Variants in COBLL1 observed in about 807,000 individuals in gnomAD.
COBLL1 encodes the protein cordon-bleu protein-like 1.
A neutral mutation model predicts 94.8 loss-of-function variants in COBLL1; 50 were observed. The observed-to-expected ratio is 0.53, with a 90% CI of 0.42 to 0.67. COBLL1 has a LOEUF of 0.67. Among genes scored for constraint, COBLL1 ranks in the 30% least tolerant of loss-of-function variants. The probability of loss-of-function intolerance (pLI) is 0.00; values close to 1 mark genes in which losing one functional copy is unlikely to be tolerated. For synonymous variants in COBLL1, 448 were observed against 473.8 expected, an observed-to-expected ratio of 0.95 and a Z score of 0.71; for missense variants, 1,362 against 1,348.7, an observed-to-expected ratio of 1.01 and a Z score of -0.15.
At chr2:164,818,281 C>CATATATGTATGTATACATATGTATAA in intron 2 of COBLL1, among the ~76,000 whole-genome samples, 1 of 147,370 alleles carries the variant, frequency 6.8e-6, no homozygotes, top group Non-Finnish European at 1.5e-5. Context: ...TGTATGTATA[C>CATATATGTATGTATACATATGTATAA]ATATATGTAT....
At position 164,695,677 on chromosome 2, in the gene COBLL1, G is replaced by A. The variant is rs1232855572; in HGVS notation, c.1715C>T (p.Thr572Ile). 4 of 1,613,712 alleles carry A rather than the reference G, an allele frequency of 2.5e-6. No individual in the cohort carries two copies. The highest frequency in any genetic ancestry group is 2.7e-5 in the African/African-American group (2 of 74,902). ...PSNSEAHETDTAISYKENHLA... is the reference protein window; with the variant it reads ...PSNSEAHETDIAISYKENHLA... ...ATGGTTTTCCTTGTAACTTATAGCAGTATCAGTTTCATGTGCCTCAGAGTT... is the reference window on the plus strand; with the variant it reads ...ATGGTTTTCCTTGTAACTTATAGCAATATCAGTTTCATGTGCCTCAGAGTT... Residue 572 changes from threonine (T) to isoleucine (I), a missense_variant, in exon 12 of 14, where the codon ACT (threonine) becomes ATT (isoleucine). Coordinates refer to ENST00000652658, the MANE Select transcript of COBLL1 (RefSeq NM_001365672.2).
intron 12 of COBLL1, 108 bp from the exon 13 acceptor site, chr2:164,692,505 C>A (rs138320111): frequency 2.8e-4 from 231 of 821,574 alleles, no homozygotes; most frequent in Non-Finnish European, 3.9e-4. Flanking sequence ...CCATTTGCCA[C>A]ACTGGTGTTT....
intron 2 of COBLL1, among the ~76,000 whole-genome samples, chr2:164,789,020 AACACACACACACACAC>A (rs56773751): frequency 4.9e-4 from 70 of 141,624 alleles, no homozygotes; most frequent in Middle Eastern, 3.6e-3. Flanking sequence ...TAGAGGTTTA[AACACACACACACACAC>A]ACACACACAC....
chr2:164,721,869 G>A (rs1685460675), intron 7 of COBLL1: 1 of 352,512 alleles, frequency 2.8e-6, no homozygotes, highest in Non-Finnish European at 5.1e-6. Context: ...CTGCATCACA[G>A]ACCTGTATGT....
chr2:164,721,424 T>G (rs1685435543), intron 7 of COBLL1, among the ~76,000 whole-genome samples: 1 of 152,168 alleles, frequency 6.6e-6, no homozygotes, highest in Admixed American at 6.5e-5. Context: ...CAAATGGATC[T>G]CCACAAAATG....
intron 2 of COBLL1, among the ~76,000 whole-genome samples, chr2:164,755,997 A>G (rs543954961): frequency 1.3e-5 from 2 of 150,424 alleles, no homozygotes; most frequent in Non-Finnish European, 3.0e-5. Flanking sequence ...CTATACATAT[A>G]GTACACACAT....
At chr2:164,707,733 G>A (rs1263753864) in intron 7 of COBLL1, among the ~76,000 whole-genome samples, 1 of 152,042 alleles carries the variant, frequency 6.6e-6, no homozygotes, top group African/African-American at 2.4e-5. Flanking sequence ...ATCTTCATTT[G>A]TAAATAAAAG....
intron 2 of COBLL1, among the ~76,000 whole-genome samples, chr2:164,753,733 A>G (rs1434353714): frequency 7.0e-6 from 1 of 143,800 alleles, no homozygotes; most frequent in Non-Finnish European, 1.5e-5. Flanking sequence ...TAAGTTGAGT[A>G]TGGGAATTTT....
At chr2:164,800,392 G>T in intron 2 of COBLL1, 3 of 521,658 alleles carry the variant, frequency 5.8e-6, no homozygotes, top group South Asian at 3.3e-5. Context: ...ACATGTATTA[G>T]AATGGCTAAC....
chr2:164,703,311 T>G (rs1365874877), intron 9 of COBLL1: 12 of 777,738 alleles, frequency 1.5e-5, no homozygotes, highest in Non-Finnish European at 2.3e-5. Context: ...GAAATCAGAT[T>G]TGTTAGCTCA....
At chr2:164,781,278 A>T (rs750392899) in intron 2 of COBLL1, among the ~76,000 whole-genome samples, 41 of 152,186 alleles carry the variant, frequency 2.7e-4, no homozygotes, top group Non-Finnish European at 5.4e-4. Context: ...TATGACAAAA[A>T]TAGCACAATA....
chr2:164,719,290 T>C (rs1050670505), intron 7 of COBLL1, among the ~76,000 whole-genome samples: 3 of 152,140 alleles, frequency 2.0e-5, no homozygotes, highest in South Asian at 2.1e-4. Flanking sequence ...CAGGTAGTCA[T>C]GAGTCAATAG....
intron 2 of COBLL1, among the ~76,000 whole-genome samples, chr2:164,823,179 T>C (rs147561602): frequency 0.011 from 1,673 of 152,310 alleles, 22 homozygotes; most frequent in Non-Finnish European, 0.014. Context: ...GATTCAATCA[T>C]GTTTTCATTA....
chr2:164,731,094 T>G (rs1034543118), intron 3 of COBLL1, among the ~76,000 whole-genome samples: 1 of 152,170 alleles, frequency 6.6e-6, no homozygotes, highest in African/African-American at 2.4e-5. Flanking sequence ...TAGAAAATAG[T>G]CATGCCCGTT....
intron 2 of COBLL1, among the ~76,000 whole-genome samples, chr2:164,768,705 T>C (rs1378548246): frequency 6.6e-6 from 1 of 152,166 alleles, no homozygotes; most frequent in African/African-American, 2.4e-5. Context: ...AAAAATCTAC[T>C]GTAAATCTTA....
intron 3 of COBLL1, among the ~76,000 whole-genome samples, chr2:164,741,195 G>A (rs780624212): frequency 6.6e-6 from 1 of 152,062 alleles, no homozygotes; most frequent in African/African-American, 2.4e-5. Flanking sequence ...AGAATTGCTT[G>A]AACCCGGGAG....
chr2:164,823,726 A>T (rs1323785949), intron 2 of COBLL1, among the ~76,000 whole-genome samples: 1 of 152,118 alleles, frequency 6.6e-6, no homozygotes, highest in African/African-American at 2.4e-5. Flanking sequence ...ATCACAGGGG[A>T]TCTTATACAT....
chr2:164,823,574 T>C (rs1360478610), intron 2 of COBLL1, among the ~76,000 whole-genome samples: 1 of 152,186 alleles, frequency 6.6e-6, no homozygotes, highest in Non-Finnish European at 1.5e-5. Context: ...ACCAAGGCTA[T>C]ACTTGAATAA....
intron 2 of COBLL1, among the ~76,000 whole-genome samples, chr2:164,756,648 C>T (rs1323529781): frequency 6.6e-6 from 1 of 151,852 alleles, no homozygotes; most frequent in East Asian, 1.9e-4. Context: ...TTGGTGGGGA[C>T]ATGTGGGCGA....
Sources: gnomAD v4.1 joint callset for allele counts (sites outside exome capture counted in the v4.1 genomes callset) on GRCh38, gnomAD v4.1.1 for gene constraint, MANE v1.5 for transcripts, NCBI Gene and HGNC (gene_info 2026-07-23, HGNC 2026-07-21) for gene names.